PPM1H: variants seen among roughly 807,000 people sequenced by gnomAD.
PPM1H encodes the protein protein phosphatase 1H.
A neutral mutation model predicts 54.9 loss-of-function variants in PPM1H; 27 were observed. The observed-to-expected ratio is 0.49, with a 90% confidence interval of 0.36 to 0.68. PPM1H has a LOEUF of 0.68. Among genes scored for constraint, PPM1H ranks in the 30% least tolerant of loss-of-function variants. PPM1H has a pLI of 0.00. For synonymous variants in PPM1H, 305 were observed against 270.8 expected (o/e 1.13, Z -1.24); for missense variants, 596 against 667.8 (o/e 0.89, Z 1.19).
At chr12:62,678,267 T>A (rs1485497455) in intron 8 of PPM1H, among the ~76,000 whole-genome samples, 1 of 152,236 alleles carries the variant, frequency 6.6e-6, no homozygotes, top group African/African-American at 2.4e-5. Context: ...TGAAACCAAC[T>A]TCTAAACATT....
chr12:62,724,212 C>T (rs1319445544), intron 5 of PPM1H, among the ~76,000 whole-genome samples: 3 of 152,204 alleles, frequency 2.0e-5, no homozygotes, highest in South Asian at 2.1e-4. Flanking sequence ...TTTCTGAAGA[C>T]ATCTATGTGA....
At chr12:62,932,627 G>GTTTTTTTTTTTTTTTTTTTT (rs1229452777) in intron 1 of PPM1H, among the ~76,000 whole-genome samples, 1 of 22,540 alleles carries the variant, frequency 4.4e-5, no homozygotes, top group Non-Finnish European at 1.2e-4. Flanking sequence ...GTCCAAATGG[G>GTTTTTTTTTTTTTTTTTTTT]CTTTTTTTTT....
chr12:62,882,407 C>T (rs577955646), intron 1 of PPM1H, among the ~76,000 whole-genome samples: 7 of 152,364 alleles, frequency 4.6e-5, no homozygotes, highest in East Asian at 1.9e-4. Flanking sequence ...ACTGACCTTT[C>T]GAGAACCCCA....
At chr12:62,926,765 A>C (rs1354206078) in intron 1 of PPM1H, among the ~76,000 whole-genome samples, 1 of 152,036 alleles carries the variant, frequency 6.6e-6, no homozygotes, top group African/African-American at 2.4e-5. Context: ...GACCAGCCTG[A>C]CCAACATGGA....
rs146514033 is a variant in PPM1H at position 62,729,575 on chromosome 12, C to T, written c.954+7927G>A. Among the ~76,000 whole-genome samples, 382 of 152,308 alleles carry T rather than the reference C, an allele frequency of 2.5e-3. 1 individual carries two copies. The highest frequency in any genetic ancestry group is 8.7e-3 in the African/African-American group (360 of 41,558). ...TGAACACACCTGTGTAGCTGGCCTC[C>T]CGATCAAGAAAGAACATTACCAGCA... On this transcript the variant is annotated intron_variant, in intron 5 of 9. Coordinates refer to ENST00000228705, the MANE Select transcript of PPM1H (RefSeq NM_020700.2).
chr12:62,911,072 CA>C (rs1871444820), intron 1 of PPM1H, among the ~76,000 whole-genome samples: 1 of 152,128 alleles, frequency 6.6e-6, no homozygotes, highest in South Asian at 2.1e-4. Flanking sequence ...ACCTACTTCC[CA>C]AGGCCTAGAA....
intron 2 of PPM1H, among the ~76,000 whole-genome samples, chr12:62,827,620 A>G (rs1868305070): frequency 6.6e-6 from 1 of 152,154 alleles, no homozygotes; most frequent in African/African-American, 2.4e-5. Flanking sequence ...AAGAGACCAT[A>G]TATTTTCCAA....
intron 4 of PPM1H, among the ~76,000 whole-genome samples, chr12:62,768,290 T>C (rs116543147): frequency 4.6e-5 from 7 of 152,046 alleles, no homozygotes; most frequent in African/African-American, 1.7e-4. Context: ...GGGGAGCACA[T>C]TGGGACAGAA....
At chr12:62,770,548 C>CA (rs1565783600) in intron 4 of PPM1H, among the ~76,000 whole-genome samples, 1 of 149,742 alleles carries the variant, frequency 6.7e-6, no homozygotes, top group Non-Finnish European at 1.5e-5. Flanking sequence ...TATAATACAG[C>CA]TTTTTTTTTT....
intron 5 of PPM1H, among the ~76,000 whole-genome samples, chr12:62,721,175 T>C (rs752762249): frequency 9.9e-5 from 15 of 152,212 alleles, no homozygotes; most frequent in African/African-American, 2.7e-4. Flanking sequence ...ACCAGGCAGA[T>C]GGTCAGGTCC....
chr12:62,905,118 C>T (rs1054044665), intron 1 of PPM1H, among the ~76,000 whole-genome samples: 2 of 152,138 alleles, frequency 1.3e-5, no homozygotes, highest in Non-Finnish European at 2.9e-5. Flanking sequence ...ATAACAGTAC[C>T]CATCTCATAG....
At chr12:62,662,212 AG>A (rs1410174028) in intron 9 of PPM1H, among the ~76,000 whole-genome samples, 1 of 152,206 alleles carries the variant, frequency 6.6e-6, no homozygotes, top group African/African-American at 2.4e-5. Flanking sequence ...ACAGAAAAAA[AG>A]TGCTGAGTGC....
At chr12:62,776,873 T>C (rs1218775889) in intron 4 of PPM1H, among the ~76,000 whole-genome samples, 1 of 152,224 alleles carries the variant, frequency 6.6e-6, no homozygotes, top group Non-Finnish European at 1.5e-5. Context: ...AGTTAACTCC[T>C]TGAAGCAAAC....
At chr12:62,890,730 A>G (rs1870761692) in intron 1 of PPM1H, among the ~76,000 whole-genome samples, 1 of 143,784 alleles carries the variant, frequency 7.0e-6, no homozygotes, top group South Asian at 2.1e-4. Context: ...ACACACACAC[A>G]CACACACACA....
In PPM1H at chr12:62,667,170, G is replaced by A. The variant is rs1033852244; in HGVS notation, c.1397+8C>T. 1 of 1,569,222 alleles carries A rather than the reference G, an allele frequency of 6.4e-7. No homozygotes were observed. The highest frequency in any genetic ancestry group is 8.7e-7 in the Non-Finnish European group (1 of 1,145,018). On this transcript the variant is annotated splice_region_variant and intron_variant, in intron 9 of 9. Coordinates refer to ENST00000228705, the MANE Select transcript of PPM1H (RefSeq NM_020700.2). The stretch of plus-strand genomic sequence containing the variant: ...GGAACAACCCTACAATTGTAGAAAT[G>A]CACAAACCTGTGAGGATCATCTGGA...
At chr12:62,775,667 G>T (rs996552885) in intron 4 of PPM1H, among the ~76,000 whole-genome samples, 2 of 152,192 alleles carry the variant, frequency 1.3e-5, no homozygotes, top group African/African-American at 4.8e-5. Context: ...TAAGAGTCAA[G>T]CAAGAGAGGA....
intron 2 of PPM1H, among the ~76,000 whole-genome samples, chr12:62,817,116 T>TAAAAAAAAAAAAAAAAAAAAAAAAAAA (rs1189819660): frequency 9.6e-5 from 4 of 41,784 alleles, no homozygotes; most frequent in East Asian, 7.4e-4. Context: ...ACTGCATTAC[T>TAAAAAAAAAAAAAAAAAAAAAAAAAAA]AAAAAAAAAA....
At chr12:62,674,317 T>C (rs535123895) in intron 8 of PPM1H, among the ~76,000 whole-genome samples, 4 of 152,216 alleles carry the variant, frequency 2.6e-5, no homozygotes, top group Non-Finnish European at 4.4e-5. Context: ...CTGGCAGAAA[T>C]AGCCAAGGTG....
At chr12:62,933,988 T>A (rs1872235227) in intron 1 of PPM1H, 1 of 153,686 alleles carries the variant, frequency 6.5e-6, no homozygotes, top group Non-Finnish European at 1.4e-5. Flanking sequence ...TTCGGAAATG[T>A]ACAACCACGC....
Sources: gnomAD v4.1 joint callset for allele counts (sites outside exome capture counted in the v4.1 genomes callset) on GRCh38, gnomAD v4.1.1 for gene constraint, MANE v1.5 for transcripts, NCBI Gene and HGNC (gene_info 2026-07-23, HGNC 2026-07-21) for gene names.